Variants in TRAPPC9 observed in about 807,000 individuals in gnomAD.
TRAPPC9 encodes IKK2 binding protein.
Under a neutral mutation model 124.0 loss-of-function variants are expected in TRAPPC9, and 83 were observed. The observed-to-expected ratio is 0.67, with a 90% CI of 0.56 to 0.80. The LOEUF is 0.80. TRAPPC9 is among the 30% of genes least tolerant of loss of function. The pLI, the probability that TRAPPC9 is intolerant of heterozygous loss-of-function variation, is 0.00. For synonymous variants in TRAPPC9, 638 were observed against 617.5 expected, an observed-to-expected ratio of 1.03 and a Z score of -0.49; for missense variants, 1,302 against 1,508.3, an observed-to-expected ratio of 0.86 and a Z score of 2.27.
chr8:140,444,316 A>G (rs1221222624), intron 2 of TRAPPC9, among the ~76,000 whole-genome samples: 4 of 152,016 alleles, frequency 2.6e-5, no homozygotes. Context: ...GCTATTCCAG[A>G]ACTATCCAAC....
chr8:140,149,310 A>G (rs1018573018), intron 17 of TRAPPC9, among the ~76,000 whole-genome samples: 1 of 152,178 alleles, frequency 6.6e-6, no homozygotes, highest in Non-Finnish European at 1.5e-5. Context: ...TTGAGCTCTC[A>G]AATAGGAATG....
chr8:140,278,770 A>G (rs1385837160), intron 14 of TRAPPC9, among the ~76,000 whole-genome samples: 2 of 152,108 alleles, frequency 1.3e-5, no homozygotes, highest in Non-Finnish European at 2.9e-5. Context: ...CCATCTGGGC[A>G]CCCGCGACTC....
In TRAPPC9 at chr8:139,964,066, T is replaced by C. The variant is rs141769593; in HGVS notation, c.2810+24660A>G. Among the ~76,000 whole-genome samples the C allele has an allele frequency of 2.0e-3, 308 of 151,594 alleles. 4 individuals are homozygous for C. The highest frequency in any genetic ancestry group is 0.017 in the Middle Eastern group (5 of 294). On this transcript the variant is annotated intron_variant, in intron 19 of 22. Coordinates refer to ENST00000438773, the MANE Select transcript of TRAPPC9 (RefSeq NM_001160372.4). ...GGTGAAACCTTGTCTGTACTAAAAA[T>C]ACAAAAAATTAGCCGGGCGTGGTGG...
At chr8:140,047,200 C>T (rs571990914) in intron 17 of TRAPPC9, among the ~76,000 whole-genome samples, 120 of 152,324 alleles carry the variant, frequency 7.9e-4, no homozygotes, top group African/African-American at 2.7e-3. Flanking sequence ...GATGGTCACC[C>T]GCCCGGGCTG....
chr8:140,037,527 C>T (rs1840971709), intron 17 of TRAPPC9, among the ~76,000 whole-genome samples: 1 of 152,000 alleles, frequency 6.6e-6, no homozygotes, highest in Admixed American at 6.6e-5. Flanking sequence ...CCCAGCCCTT[C>T]CACATCGGAC....
At chr8:140,035,971 T>C (rs1279402482) in intron 17 of TRAPPC9, among the ~76,000 whole-genome samples, 1 of 152,242 alleles carries the variant, frequency 6.6e-6, no homozygotes, top group African/African-American at 2.4e-5. Context: ...AATATGGATT[T>C]GGACCAATTA....
intron 17 of TRAPPC9, among the ~76,000 whole-genome samples, chr8:140,127,218 A>G (rs978369608): frequency 5.3e-5 from 8 of 152,216 alleles, no homozygotes; most frequent in Non-Finnish European, 7.3e-5. Flanking sequence ...TGGAACAAAC[A>G]AGGATCTGGA....
chr8:139,786,085 G>A (rs1428319613), intron 21 of TRAPPC9, among the ~76,000 whole-genome samples: 4 of 152,124 alleles, frequency 2.6e-5, no homozygotes, highest in African/African-American at 9.7e-5. Context: ...GCGGGCGCCT[G>A]TAATTCCAGC....
At chr8:140,307,068 G>A (rs77290836) in intron 10 of TRAPPC9, among the ~76,000 whole-genome samples, 2 of 152,246 alleles carry the variant, frequency 1.3e-5, no homozygotes, top group East Asian at 1.9e-4. Flanking sequence ...GACTCGGTCC[G>A]ATCTGAGTAC....
intron 19 of TRAPPC9, among the ~76,000 whole-genome samples, chr8:139,982,970 G>A (rs1837010666): frequency 6.6e-6 from 1 of 152,092 alleles, no homozygotes; most frequent in African/African-American, 2.4e-5. Context: ...CACTCGTCAC[G>A]TCGTGCTGTA....
intron 17 of TRAPPC9, among the ~76,000 whole-genome samples, chr8:140,069,866 G>A (rs1843062785): frequency 6.6e-6 from 1 of 152,216 alleles, no homozygotes; most frequent in African/African-American, 2.4e-5. Flanking sequence ...GAACCCTCGA[G>A]GCTGCTGCTG....
At chr8:140,390,744 C>A (rs1236455382) in intron 7 of TRAPPC9, among the ~76,000 whole-genome samples, 2 of 152,192 alleles carry the variant, frequency 1.3e-5, no homozygotes, top group East Asian at 3.9e-4. Flanking sequence ...GTGCAATATA[C>A]CAGACTCTTG....
intron 17 of TRAPPC9, among the ~76,000 whole-genome samples, chr8:140,043,539 C>T (rs1413115567): frequency 6.6e-6 from 1 of 152,208 alleles, no homozygotes; most frequent in Non-Finnish European, 1.5e-5. Flanking sequence ...CCCAGCCGAC[C>T]ATCCTGAGGC....
intron 17 of TRAPPC9, among the ~76,000 whole-genome samples, chr8:140,128,118 A>G (rs2061131728): frequency 6.6e-6 from 1 of 152,220 alleles, no homozygotes; most frequent in African/African-American, 2.4e-5. Flanking sequence ...CAATTGTGTT[A>G]ATTTGTTTTT....
intron 19 of TRAPPC9, among the ~76,000 whole-genome samples, chr8:139,934,757 G>T (rs1563933681): frequency 1.3e-5 from 2 of 152,158 alleles, no homozygotes; most frequent in South Asian, 4.2e-4. Flanking sequence ...CAATCGCAAG[G>T]GTTCCTCGGT....
intron 9 of TRAPPC9, among the ~76,000 whole-genome samples, chr8:140,337,258 A>G (rs940569076): frequency 6.6e-6 from 1 of 152,166 alleles, no homozygotes; most frequent in East Asian, 1.9e-4. Context: ...CACACACATG[A>G]AGGCACATGT....
At chr8:139,832,756 G>A (rs1026180492) in intron 21 of TRAPPC9, among the ~76,000 whole-genome samples, 15 of 152,248 alleles carry the variant, frequency 9.9e-5, no homozygotes, top group African/African-American at 3.4e-4. Flanking sequence ...GACCTCCAAG[G>A]TGGATGACGT....
At chr8:140,378,008 A>C (rs895755632) in intron 7 of TRAPPC9, among the ~76,000 whole-genome samples, 14 of 152,160 alleles carry the variant, frequency 9.2e-5, no homozygotes, top group Non-Finnish European at 2.9e-5. Flanking sequence ...GGAGAGAGGC[A>C]AAGGCAGTGT....
chr8:140,385,579 A>C (rs184098047), intron 7 of TRAPPC9, among the ~76,000 whole-genome samples: 3,011 of 152,330 alleles, frequency 0.02, 99 homozygotes, highest in African/African-American at 0.068. Context: ...GAAATGGATA[A>C]ATTCCTGGAC....
Sources: gnomAD v4.1 joint callset for allele counts (sites outside exome capture counted in the v4.1 genomes callset) on GRCh38, gnomAD v4.1.1 for gene constraint, MANE v1.5 for transcripts, NCBI Gene and HGNC (gene_info 2026-07-23, HGNC 2026-07-21) for gene names.